Variants in FRMD6 observed in about 807,000 individuals in gnomAD.
The protein encoded by FRMD6 is FERM domain-containing protein 6.
A neutral mutation model predicts 73.2 loss-of-function variants in FRMD6; 37 were observed. The observed-to-expected ratio is 0.51, with a 90% CI of 0.39 to 0.66. The LOEUF (loss-of-function observed/expected upper bound fraction) is 0.66. Ranked by LOEUF, FRMD6 falls within the 30% of genes least tolerant of loss-of-function variation. The probability of loss-of-function intolerance (pLI) is 0.00; values close to 1 mark genes in which losing one functional copy is unlikely to be tolerated. For missense variants in FRMD6, 714 were observed against 780.5 expected, an observed-to-expected ratio of 0.91 and a Z score of 1.02; for synonymous variants, 273 against 282.2, an observed-to-expected ratio of 0.97 and a Z score of 0.33.
Position 51,720,295 on chromosome 14 carries a change from A to C in FRMD6, c.1265A>C (p.Lys422Thr). Residue 422 changes from lysine (K) to threonine (T), a missense_variant, in exon 11 of 14, where the codon AAA becomes ACA. Transcript: ENST00000344768. ...YSSSAIHRKL[K>T]TCSSMTSHGS... ...AGCAGTGCCATCCACCGCAAGCTGA[A>C]AACCTGCAGCTCAATGACCAGTCAT... The C allele has an allele frequency of 6.2e-7, 1 of 1,614,030 alleles. No individual in the cohort carries two copies. Among genetic ancestry groups the C allele is most frequent in the East Asian group, 2.2e-5 (1 of 44,888 alleles).
intron 1 of FRMD6, among the ~76,000 whole-genome samples, chr14:51,685,732 C>T (rs1265950135): frequency 2.0e-5 from 3 of 152,080 alleles, no homozygotes; most frequent in Non-Finnish European, 2.9e-5. Flanking sequence ...TCTTAGAAAT[C>T]GGGACAATAT....
chr14:51,439,047 A>G, the FRMD6 span, among the ~76,000 whole-genome samples: 1 of 152,262 alleles, frequency 6.6e-6, no homozygotes, highest in Non-Finnish European at 1.5e-5. Flanking sequence ...GAAGAAGCGT[A>G]ATGCGGAAGC....
chr14:51,433,248 T>C, the FRMD6 span, among the ~76,000 whole-genome samples: 7 of 152,314 alleles, frequency 4.6e-5, no homozygotes, highest in Non-Finnish European at 7.4e-5. Flanking sequence ...AGATTGTTCA[T>C]TGAAGCATGA....
chr14:51,494,210 A>C (rs1351902070), intron 1 of FRMD6, among the ~76,000 whole-genome samples: 1 of 152,180 alleles, frequency 6.6e-6, no homozygotes, highest in Non-Finnish European at 1.5e-5. Flanking sequence ...TTCAGCATCA[A>C]CTCAAAAGTC....
intron 2 of FRMD6, among the ~76,000 whole-genome samples, chr14:51,586,463 G>A (rs1338119261): frequency 1.3e-5 from 2 of 151,960 alleles, no homozygotes; most frequent in Non-Finnish European, 2.9e-5. Context: ...AATTCCTTAC[G>A]GATTCTGGGT....
At chr14:51,524,612 G>A (rs563474050) in intron 1 of FRMD6, among the ~76,000 whole-genome samples, 2 of 152,112 alleles carry the variant, frequency 1.3e-5, no homozygotes, top group African/African-American at 2.4e-5. Context: ...AGCAAAGAAC[G>A]ATTTGCAAAT....
chr14:51,725,763 C>T lies in FRMD6; in HGVS notation c.1493-16C>T, dbSNP rs1566602451. On this transcript the variant is annotated splice_polypyrimidine_tract_variant and intron_variant, in intron 12 of 13. Transcript: ENST00000344768. ...TTTGAAGTATTTATTGTTTTTATCT[C>T]TGTGTTTTATTTCAGGGTTGATTGT... 6.4e-7 allele frequency: 1 copy of T among 1,567,024 alleles called. No individual in the cohort carries two copies.
chr14:51,469,468 C>A, the FRMD6 span, among the ~76,000 whole-genome samples: 2 of 150,820 alleles, frequency 1.3e-5, no homozygotes, highest in African/African-American at 4.9e-5. Context: ...AAAAACTTAG[C>A]CGAGCGTGGT....
At chr14:51,703,379 A>G (rs927606436) in intron 5 of FRMD6, among the ~76,000 whole-genome samples, 1 of 152,148 alleles carries the variant, frequency 6.6e-6, no homozygotes, top group Non-Finnish European at 1.5e-5. Flanking sequence ...GAAACAAAAT[A>G]CATATGGCTA....
At chr14:51,549,700 A>C (rs1156300811) in intron 1 of FRMD6, among the ~76,000 whole-genome samples, 3 of 135,588 alleles carry the variant, frequency 2.2e-5, no homozygotes, top group African/African-American at 8.4e-5. Context: ...GGTTCACGCC[A>C]TTCTCCTGCC....
the FRMD6 span, among the ~76,000 whole-genome samples, chr14:51,479,027 C>T: frequency 6.6e-6 from 1 of 152,040 alleles, no homozygotes; most frequent in Non-Finnish European, 1.5e-5. Context: ...ATCAGAAGAC[C>T]CAGGTGTTGG....
At chr14:51,674,782 C>G (rs1007687355) in intron 1 of FRMD6, among the ~76,000 whole-genome samples, 1 of 151,978 alleles carries the variant, frequency 6.6e-6, no homozygotes, top group African/African-American at 2.4e-5. Flanking sequence ...AAGGAATGTT[C>G]TCTTTTGGTA....
At position 51,655,755 on chromosome 14, in the gene FRMD6, G is replaced by C. The variant is rs577052937; in HGVS notation, c.-147+3759G>C. On this transcript the variant is annotated intron_variant, in intron 1 of 13. Transcript: ENST00000344768. ...TGAGAAAAAAGGATCAGAATGATTA[G>C]AATCAAGGTGCCCTATAAGATCTGT... 9.2e-5 allele frequency among the ~76,000 whole-genome samples: 14 copies of C among 152,312 alleles called. No homozygotes were observed. In the East Asian group the frequency reaches 2.5e-3, roughly 27 times the overall value.
chr14:51,639,317 C>A lies in FRMD6; in HGVS notation c.-146-50374C>A, dbSNP rs185701829. Among the ~76,000 whole-genome samples the A allele has an allele frequency of 9.1e-3, 1,381 of 152,048 alleles. 7 individuals carry two copies. The highest frequency in any genetic ancestry group is 0.024 in the Middle Eastern group (7 of 294). ...GGGCGTCGTGGCAGGCGCCTGTAGT[C>A]CCAGCTAATCGGGAGGCTGAGGCAG... On this transcript the variant is annotated intron_variant, in intron 2 of 14. Transcript: ENST00000356218.
intron 2 of FRMD6, among the ~76,000 whole-genome samples, chr14:51,611,900 A>AT (rs1890523429): frequency 6.6e-6 from 1 of 152,190 alleles, no homozygotes; most frequent in Non-Finnish European, 1.5e-5. Flanking sequence ...TAATGGGGGA[A>AT]TGCTTATGTC....
intron 2 of FRMD6, among the ~76,000 whole-genome samples, chr14:51,581,129 T>C (rs1467639328): frequency 6.6e-6 from 1 of 152,206 alleles, no homozygotes; most frequent in African/African-American, 2.4e-5. Context: ...TCTGCCACCA[T>C]GCCTTTCCAT....
chr14:51,697,924 C>G, intron 2 of FRMD6: 1 of 436,334 alleles, frequency 2.3e-6, no homozygotes, highest in East Asian at 3.8e-5. Context: ...ATCTGTGAGT[C>G]TTGTACTTTA....
chr14:51,509,599 G>C (rs2140248459), intron 1 of FRMD6, among the ~76,000 whole-genome samples: 1 of 152,198 alleles, frequency 6.6e-6, no homozygotes, highest in South Asian at 2.1e-4. Context: ...TTTGCCACCA[G>C]TAACAATGCA....
At chr14:51,454,057 G>A in the FRMD6 span, among the ~76,000 whole-genome samples, 1 of 152,160 alleles carries the variant, frequency 6.6e-6, no homozygotes, top group African/African-American at 2.4e-5. Flanking sequence ...AGAGAGAGCC[G>A]ATGCCCCGCC....
Sources: allele counts gnomAD v4.1 joint callset (sites outside exome capture counted in the v4.1 genomes callset), GRCh38; gene constraint gnomAD v4.1.1; transcripts MANE v1.5; gene names NCBI Gene and HGNC (gene_info 2026-07-23, HGNC 2026-07-21).